The following WAC variants were observed in gnomAD, a reference collection of about 807,000 sequenced individuals.
The protein encoded by WAC is WW domain containing adaptor with coiled-coil.
WAC carries 11 observed loss-of-function variants against 79.6 expected under a neutral mutation model. That is an observed-to-expected ratio of 0.14 (90% CI 0.09 to 0.23). The LOEUF (loss-of-function observed/expected upper bound fraction) is 0.23. Ranked by LOEUF, WAC falls within the 10% of genes least tolerant of loss-of-function variation. The pLI is 1.00. For synonymous variants in WAC, 304 were observed against 276.9 expected, an observed-to-expected ratio of 1.10 and a Z score of -0.97; for missense variants, 728 against 773.5, an observed-to-expected ratio of 0.94 and a Z score of 0.70.
intron 13 of WAC, 117 bp downstream of exon 13, chr10:28,617,901 A>G: frequency 9.2e-7 from 1 of 1,091,922 alleles, no homozygotes. Flanking sequence ...CGATACATTG[A>G]TCACATTCTA....
intron 3 of WAC, among the ~76,000 whole-genome samples, chr10:28,562,949 A>AGT (rs1838378130): frequency 6.6e-6 from 1 of 152,256 alleles, no homozygotes; most frequent in African/African-American, 2.4e-5. Context: ...GAAATCTGTA[A>AGT]CAATTACTAG....
At chr10:28,540,155 A>C (rs559761165) in intron 3 of WAC, among the ~76,000 whole-genome samples, 46 of 152,264 alleles carry the variant, frequency 3.0e-4, no homozygotes, top group Non-Finnish European at 5.7e-4. Flanking sequence ...ATAGAAAGTA[A>C]GTATACAAAT....
Position 28,610,836 on chromosome 10 carries a change from C to G in WAC, c.1288+15C>G, listed in dbSNP as rs1841202847. ...CTCTACACAAGGTATTCTTACTCAT[C>G]TTAGATATCTCTAGAATGGCATCTT... is the stretch of plus-strand genomic sequence containing the variant. On this transcript the variant is annotated intron_variant, in intron 9 of 13. Transcript: ENST00000354911. The G allele has an allele frequency of 6.3e-7, 1 of 1,581,616 alleles. No homozygotes were observed. Among genetic ancestry groups the G allele is most frequent in the Admixed American group, 1.9e-5 (1 of 53,410 alleles).
chr10:28,579,416 C>CACA (rs1236118551), intron 3 of WAC, among the ~76,000 whole-genome samples: 1 of 152,110 alleles, frequency 6.6e-6, no homozygotes, highest in East Asian at 1.9e-4. Context: ...TGAATACTCA[C>CACA]TAGATTTGGG....
chr10:28,595,907 C>G lies in WAC; in HGVS notation c.785C>G (p.Thr262Ser). 1 of 1,614,212 alleles carries G rather than the reference C, an allele frequency of 6.2e-7. No individual in the cohort carries two copies. The highest frequency in any genetic ancestry group is 8.5e-7 in the Non-Finnish European group (1 of 1,180,020). Residue 262 changes from threonine (T) to serine (S), a missense_variant, in exon 7 of 14, where the codon ACT becomes AGT. Physicochemically the swap from Thr to Ser is moderately conservative, Grantham distance 58 (BLOSUM62 1). This residue lies in a region of WAC where 648 missense variants were observed against 661.5 expected (regional missense o/e 0.98). Coordinates refer to ENST00000354911, the MANE Select transcript of WAC (RefSeq NM_016628.5). ...GTTCATCCAACTGCTACCCCAAGCA[C>G]TGTTCCTTCTAGTCCATTTACGCTA... ...PVVHPTATPS[T>S]VPSSPFTLQS...
At chr10:28,552,444 A>G (rs1837731939) in intron 3 of WAC, among the ~76,000 whole-genome samples, 1 of 152,186 alleles carries the variant, frequency 6.6e-6, no homozygotes, top group African/African-American at 2.4e-5. Context: ...TTCTTTCAAT[A>G]TCATTAATGT....
chr10:28,574,940 T>TTGAA (rs1170658390), intron 3 of WAC, among the ~76,000 whole-genome samples: 24 of 152,228 alleles, frequency 1.6e-4, no homozygotes, highest in African/African-American at 5.3e-4. Flanking sequence ...AAGTAGATGT[T>TTGAA]TGAATGAATG....
chr10:28,572,116 A>G (rs1487122199), intron 3 of WAC, among the ~76,000 whole-genome samples: 2 of 152,134 alleles, frequency 1.3e-5, no homozygotes, highest in African/African-American at 2.4e-5. Flanking sequence ...AGGCGGGTGG[A>G]TCACGAGGTT....
In WAC at chr10:28,581,542, TTTTGTTTGTTTG is replaced by T. The variant is rs548725389; in HGVS notation, c.275-1841_275-1830del. On this transcript the variant is annotated intron_variant, in intron 3 of 13. Coordinates refer to ENST00000354911, the MANE Select transcript of WAC (RefSeq NM_016628.5). The stretch of plus-strand genomic sequence containing the variant: ...TTAACTTTTCCTGTATACTCAGCCT[TTTTGTTTGTTTG>T]TTTGTTTGTTTGTTTTTTGAGACAG... Among the ~76,000 whole-genome samples, 17 of 152,024 alleles carry T rather than the reference TTTTGTTTGTTTG, an allele frequency of 1.1e-4. No individual in the cohort carries two copies. The East Asian group carries it at 2.9e-3, about 26-fold the overall frequency.
chr10:28,577,062 A>G (rs1839278775), intron 3 of WAC, among the ~76,000 whole-genome samples: 1 of 152,160 alleles, frequency 6.6e-6, no homozygotes, highest in African/African-American at 2.4e-5. Flanking sequence ...AGAGGGAGTA[A>G]CTGTACAACC....
intron 3 of WAC, among the ~76,000 whole-genome samples, chr10:28,568,162 A>G (rs985660377): frequency 2.6e-5 from 4 of 152,186 alleles, no homozygotes; most frequent in African/African-American, 4.8e-5. Context: ...GATAGGTGTT[A>G]TAGAGGGCAA....
At chr10:28,541,580 C>A (rs753538858) in intron 3 of WAC, among the ~76,000 whole-genome samples, 39 of 151,658 alleles carry the variant, frequency 2.6e-4, no homozygotes, top group African/African-American at 9.2e-4. Flanking sequence ...ATGAACAGTC[C>A]TTTTCAGGAT....
Position 28,596,014 on chromosome 10 carries a change from G to A in WAC, c.892G>A (p.Val298Ile). 6.2e-7 allele frequency: 1 copy of A among 1,613,960 alleles called. No homozygotes were observed. Among genetic ancestry groups the A allele is most frequent in the South Asian group, 1.1e-5 (1 of 91,066 alleles). Residue 298 changes from valine (V) to isoleucine (I), a missense_variant, in exon 7 of 14, where the codon GTC becomes ATC. Coordinates refer to ENST00000354911, the MANE Select transcript of WAC (RefSeq NM_016628.5). ...AAAACTGCCTACACCCACATCTTCT[G>A]TCCCTGCACAGAAAACAGAAAGAAA... ...LSKLPTPTSS[V>I]PAQKTERKES...
At chr10:28,556,566 A>G (rs1589149635) in intron 3 of WAC, among the ~76,000 whole-genome samples, 1 of 151,538 alleles carries the variant, frequency 6.6e-6, no homozygotes, top group East Asian at 1.9e-4. Context: ...TTAGTGTGAT[A>G]TAGTCACACG....
At chr10:28,595,214 A>G (rs371953443) in intron 6 of WAC, among the ~76,000 whole-genome samples, 1 of 152,216 alleles carries the variant, frequency 6.6e-6, no homozygotes. Context: ...AAGCCTTCTT[A>G]TAAACTGCTT....
chr10:28,581,232 G>A (rs1044927938), intron 3 of WAC, among the ~76,000 whole-genome samples: 4 of 129,460 alleles, frequency 3.1e-5, no homozygotes, highest in African/African-American at 1.2e-4. Flanking sequence ...GGTACAATGA[G>A]CGATTCTTTT....
chr10:28,586,308 T>G (rs1839819319), intron 4 of WAC, among the ~76,000 whole-genome samples: 1 of 152,130 alleles, frequency 6.6e-6, no homozygotes, highest in South Asian at 2.1e-4. Context: ...AAACATTTAT[T>G]GTGGGGTGTT....
intron 3 of WAC, among the ~76,000 whole-genome samples, chr10:28,559,422 G>T (rs753679396): frequency 5.3e-5 from 8 of 152,056 alleles, no homozygotes; most frequent in Non-Finnish European, 1.2e-4. Flanking sequence ...TGTTTCTGGT[G>T]GGAAAGTAAT....
chr10:28,594,921 G>A (rs1172549577), intron 6 of WAC, among the ~76,000 whole-genome samples: 1 of 152,140 alleles, frequency 6.6e-6, no homozygotes, highest in African/African-American at 2.4e-5. Flanking sequence ...TGGAATCATG[G>A]TGTTAGAATT....
Sources: gnomAD v4.1 joint callset for allele counts (sites outside exome capture counted in the v4.1 genomes callset) on GRCh38, gnomAD v4.1.1 for gene constraint, gnomAD v4.1.1 regional missense constraint, MANE v1.5 for transcripts, NCBI Gene and HGNC (gene_info 2026-07-23, HGNC 2026-07-21) for gene names.